Variants in ARHGAP22 observed in about 807,000 individuals in gnomAD.
ARHGAP22 encodes Rho GTPase activating protein 22.
Under a neutral mutation model 59.1 loss-of-function variants are expected in ARHGAP22, and 48 were observed. That is an observed-to-expected ratio of 0.81 (90% confidence interval 0.64 to 1.03). The LOEUF is 1.03. Ranked by LOEUF, ARHGAP22 falls within the 50% of genes least tolerant of loss-of-function variation. The probability of loss-of-function intolerance (pLI) is 0.00; values close to 1 mark genes in which losing one functional copy is unlikely to be tolerated. For missense variants in ARHGAP22, 1,015 were observed against 958.7 expected, an observed-to-expected ratio of 1.06 and a Z score of -0.78; for synonymous variants, 445 against 416.4, an observed-to-expected ratio of 1.07 and a Z score of -0.84.
At chr10:48,655,548 C>T (rs1267147865), upstream of ARHGAP22, 3 of 152,852 alleles carry the variant, frequency 2.0e-5, no homozygotes, top group African/African-American at 7.2e-5. Flanking sequence ...CATACACCAG[C>T]TAAGCGGGCA....
intron 9 of ARHGAP22, among the ~76,000 whole-genome samples, chr10:48,449,432 G>A (rs184431229): frequency 1.3e-5 from 2 of 152,318 alleles, no homozygotes; most frequent in African/African-American, 4.8e-5. Context: ...AAAGGGCAAG[G>A]GCTGCCATTC....
chr10:48,600,733 G>A (rs2060330651), intron 1 of ARHGAP22, among the ~76,000 whole-genome samples: 1 of 152,184 alleles, frequency 6.6e-6, no homozygotes, highest in Non-Finnish European at 1.5e-5. Context: ...GGACTGACAA[G>A]AGACAGCTTG....
intron 1 of ARHGAP22, among the ~76,000 whole-genome samples, chr10:48,631,228 T>A (rs891670173): frequency 3.3e-5 from 1 of 30,184 alleles, no homozygotes; most frequent in Non-Finnish European, 5.7e-5. Flanking sequence ...TAAGGACTTG[T>A]TTACATCTAT....
At position 48,446,493 on chromosome 10, in the gene ARHGAP22, A is replaced by T. The variant is rs1183815611; in HGVS notation, c.1995T>A (p.Asp665Glu). Residue 665 changes from aspartate to glutamate, a missense_variant, in exon 10 of 10, where the codon GAT (aspartate) becomes GAA (glutamate). Asp to Glu is a conservative substitution (Grantham distance 45). Transcript: ENST00000249601. Reference sequence around the variant, plus strand: ...GCAACAGCTGGTTCCTCCTCTCCGCATCCTCCCGCGCCCGTTCAGAGTTCC... The same window carrying T: ...GCAACAGCTGGTTCCTCCTCTCCGCTTCCTCCCGCGCCCGTTCAGAGTTCC... ...KLRNSERARE[D>E]AERRNQLLQR... is the part of the protein sequence containing the mutation. 1 of 1,613,956 alleles carries T rather than the reference A, an allele frequency of 6.2e-7. No homozygotes were observed. The highest frequency in any genetic ancestry group is 1.1e-5 in the South Asian group (1 of 91,074).
chr10:48,562,985 C>T (rs949746522), intron 2 of ARHGAP22, among the ~76,000 whole-genome samples: 15 of 152,078 alleles, frequency 9.9e-5, no homozygotes, highest in African/African-American at 2.2e-4. Flanking sequence ...ATAGCTGGCA[C>T]GACTGTTCCT....
At chr10:48,568,381 G>A (rs2058181067) in intron 2 of ARHGAP22, among the ~76,000 whole-genome samples, 1 of 152,184 alleles carries the variant, frequency 6.6e-6, no homozygotes, top group Non-Finnish European at 1.5e-5. Context: ...CTTCCTCCTT[G>A]GCTTACTGGA....
chr10:48,489,016 G>C (rs1589702783), intron 3 of ARHGAP22, among the ~76,000 whole-genome samples: 2 of 152,164 alleles, frequency 1.3e-5, no homozygotes, highest in Admixed American at 1.3e-4. Flanking sequence ...GAATCACCTT[G>C]TTTCCCATCT....
chr10:48,446,841 C>T (rs1286088936), intron 9 of ARHGAP22, among the ~76,000 whole-genome samples: 4 of 152,198 alleles, frequency 2.6e-5, no homozygotes, highest in East Asian at 1.9e-4. Flanking sequence ...CCTGTGATCC[C>T]GAAATGCCAA....
chr10:48,625,487 G>A (rs1210831854), intron 1 of ARHGAP22, among the ~76,000 whole-genome samples: 2 of 152,018 alleles, frequency 1.3e-5, no homozygotes, highest in Non-Finnish European at 2.9e-5. Flanking sequence ...ATTATGCTGC[G>A]TTGCAGTTCA....
downstream of ARHGAP22, among the ~76,000 whole-genome samples, chr10:48,441,807 C>G: frequency 6.6e-6 from 1 of 152,124 alleles, no homozygotes; most frequent in East Asian, 1.9e-4. Context: ...CTACTGGGTC[C>G]TGCGGGTCCA....
At chr10:48,549,059 C>T (rs1001357236) in intron 3 of ARHGAP22, among the ~76,000 whole-genome samples, 11 of 152,210 alleles carry the variant, frequency 7.2e-5, no homozygotes, top group South Asian at 2.1e-4. Flanking sequence ...TGAGGATAAA[C>T]GTGGTGTGCT....
At chr10:48,493,451 G>A (rs1435717850) in intron 3 of ARHGAP22, 4 of 1,535,930 alleles carry the variant, frequency 2.6e-6, no homozygotes, top group Non-Finnish European at 2.6e-6. Flanking sequence ...CTGGGCATAC[G>A]CCTGCTCCTC....
intron 2 of ARHGAP22, among the ~76,000 whole-genome samples, chr10:48,558,381 T>C (rs1380512832): frequency 1.3e-5 from 2 of 152,036 alleles, no homozygotes; most frequent in Non-Finnish European, 1.5e-5. Context: ...TTTGTTTTGC[T>C]TTTTTGGGTC....
At chr10:48,636,719 A>G (rs1055584496) in intron 1 of ARHGAP22, among the ~76,000 whole-genome samples, 1 of 152,222 alleles carries the variant, frequency 6.6e-6, no homozygotes, top group African/African-American at 2.4e-5. Flanking sequence ...CTAGTAGGAC[A>G]GTGGGAGACC....
At chr10:48,433,623 T>C in the ARHGAP22 span, among the ~76,000 whole-genome samples, 2 of 152,252 alleles carry the variant, frequency 1.3e-5, no homozygotes, top group Non-Finnish European at 2.9e-5. Flanking sequence ...TTGTCTCTTG[T>C]GGTTCCATTC....
chr10:48,594,759 T>C (rs2059964268), intron 1 of ARHGAP22, among the ~76,000 whole-genome samples: 1 of 152,072 alleles, frequency 6.6e-6, no homozygotes, highest in South Asian at 2.1e-4. Context: ...CTAACCAACC[T>C]TATTTCTAGC....
chr10:48,580,251 T>C (rs1239186637), intron 2 of ARHGAP22, among the ~76,000 whole-genome samples: 1 of 152,168 alleles, frequency 6.6e-6, no homozygotes, highest in Non-Finnish European at 1.5e-5. Context: ...GCCTCCATTT[T>C]ATTAGTTGCT....
At chr10:48,457,720 GC>G (rs2046691125) in intron 5 of ARHGAP22, among the ~76,000 whole-genome samples, 1 of 152,198 alleles carries the variant, frequency 6.6e-6, no homozygotes, top group Non-Finnish European at 1.5e-5. Context: ...GCCTGGTGAG[GC>G]TTTAGCAGAA....
chr10:48,567,918 G>A (rs757591632), intron 2 of ARHGAP22, among the ~76,000 whole-genome samples: 8 of 152,204 alleles, frequency 5.3e-5, no homozygotes, highest in Non-Finnish European at 7.3e-5. Flanking sequence ...GAGAAAATAA[G>A]TGTTAGAGAA....
Sources: allele counts gnomAD v4.1 joint callset (sites outside exome capture counted in the v4.1 genomes callset), GRCh38; gene constraint gnomAD v4.1.1; transcripts MANE v1.5; gene names NCBI Gene and HGNC (gene_info 2026-07-23, HGNC 2026-07-21).